The following MICAL2 variants were observed in gnomAD, a reference collection of about 807,000 sequenced individuals.
The protein encoded by MICAL2 is microtubule associated monooxygenase, calponin and LIM domain containing 2, also known as [F-actin]-monooxygenase MICAL2.
In MICAL2, 77 loss-of-function variants were observed where a neutral mutation model predicts 127.3. That is an observed-to-expected ratio of 0.60 (90% CI 0.50 to 0.73). The LOEUF is 0.73. MICAL2 is among the 30% of genes least tolerant of loss of function. The pLI, the probability that MICAL2 is intolerant of heterozygous loss-of-function variation, is 0.00. For synonymous variants in MICAL2, 570 were observed against 551.1 expected, an observed-to-expected ratio of 1.03 and a Z score of -0.48; for missense variants, 1,351 against 1,434.4, an observed-to-expected ratio of 0.94 and a Z score of 0.94.
At chr11:12,285,692 C>G (rs1863818620) in intron 2 of MICAL2, among the ~76,000 whole-genome samples, 2 of 152,160 alleles carry the variant, frequency 1.3e-5, no homozygotes, top group Non-Finnish European at 2.9e-5. Flanking sequence ...GGAAAGCCCC[C>G]AGGTAGTAAT....
At chr11:12,270,258 A>G (rs963012) in intron 24 of MICAL2, among the ~76,000 whole-genome samples, 93,545 of 152,076 alleles carry the variant, frequency 0.62, 29,657 homozygotes, top group African/African-American at 0.7. Flanking sequence ...CCAGATATCT[A>G]CCTGTGTGTG....
downstream of MICAL2, among the ~76,000 whole-genome samples, chr11:12,359,295 A>T (rs1565315521): frequency 6.6e-6 from 1 of 151,616 alleles, no homozygotes; most frequent in Non-Finnish European, 1.5e-5. Flanking sequence ...CAGAAAATGA[A>T]TGATTTTAAA....
intron 1 of MICAL2, among the ~76,000 whole-genome samples, chr11:12,114,143 T>C (rs1457665753): frequency 6.6e-6 from 1 of 152,236 alleles, no homozygotes; most frequent in South Asian, 2.1e-4. Flanking sequence ...TCCACAGTTA[T>C]TGAGATTATG....
intron 3 of MICAL2, among the ~76,000 whole-genome samples, chr11:12,175,342 G>C (rs902178839): frequency 6.6e-6 from 1 of 152,100 alleles, no homozygotes; most frequent in Non-Finnish European, 1.5e-5. Context: ...CAGGCGTGGT[G>C]GTGGGTGCCT....
intron 26 of MICAL2, chr11:12,260,290 A>T: frequency 7.0e-7 from 1 of 1,426,302 alleles, no homozygotes; most frequent in Non-Finnish European, 9.1e-7. Flanking sequence ...AATTAGCTCA[A>T]AGCCAAAGAA....
chr11:12,204,661 T>C (rs985149806), intron 4 of MICAL2, among the ~76,000 whole-genome samples: 1 of 152,202 alleles, frequency 6.6e-6, no homozygotes, highest in African/African-American at 2.4e-5. Flanking sequence ...GTAAGCACCA[T>C]GAGGTCAGGG....
At chr11:12,125,054 T>G (rs758884955) in intron 1 of MICAL2, among the ~76,000 whole-genome samples, 9 of 152,202 alleles carry the variant, frequency 5.9e-5, no homozygotes, top group Non-Finnish European at 1.3e-4. Context: ...GGCTTAGCCT[T>G]TAGCCACTGG....
At chr11:12,213,117 C>T (rs1337697877) in intron 6 of MICAL2, 138 bp from the exon 7 acceptor site, 40 of 982,236 alleles carry the variant, frequency 4.1e-5, no homozygotes, top group Middle Eastern at 3.6e-4. Context: ...TATTTCTGCC[C>T]GCTCCTGTCC....
intron 3 of MICAL2, among the ~76,000 whole-genome samples, chr11:12,191,877 A>T (rs893060184): frequency 1.3e-5 from 2 of 152,228 alleles, no homozygotes; most frequent in African/African-American, 2.4e-5. Context: ...TATCATCTCC[A>T]GGGAGTGGGA....
intron 3 of MICAL2, among the ~76,000 whole-genome samples, chr11:12,187,876 G>A (rs1425839631): frequency 6.6e-6 from 1 of 151,416 alleles, no homozygotes; most frequent in Non-Finnish European, 1.5e-5. Flanking sequence ...GTTCCCTGGG[G>A]TAGGCGGGTT....
intron 3 of MICAL2, chr11:12,196,285 A>T (rs1273699268): frequency 6.5e-6 from 1 of 152,718 alleles, no homozygotes; most frequent in East Asian, 1.9e-4. Context: ...GACCATGTTG[A>T]TGGGGGAGAA....
chr11:12,350,651 G>A (rs141340430), intron 33 of MICAL2, among the ~76,000 whole-genome samples: 2,092 of 152,206 alleles, frequency 0.014, 46 homozygotes, highest in African/African-American at 0.043. Flanking sequence ...TGAGCCAGGT[G>A]AGAAATAAGA....
Position 12,250,607 on chromosome 11 carries a change from A to T in MICAL2, c.2847+1361A>T, listed in dbSNP as rs116506850. Among the ~76,000 whole-genome samples, 323 of 152,376 alleles carry T rather than the reference A, an allele frequency of 2.1e-3. 2 individuals are homozygous for T. Among genetic ancestry groups the T allele is most frequent in the African/African-American group, 7.2e-3 (301 of 41,586 alleles). On this transcript the variant is annotated intron_variant, in intron 22 of 27. Coordinates refer to ENST00000683283, the MANE Select transcript of MICAL2 (RefSeq NM_001282663.2). ...AATGTTCTAATTAATTTGCTGAAAAATAATTAGAATTCAAAAGGCAGGAAA... is the reference window on the plus strand; with the variant it reads ...AATGTTCTAATTAATTTGCTGAAAATTAATTAGAATTCAAAAGGCAGGAAA...
chr11:12,282,409 C>G, intron 2 of MICAL2, among the ~76,000 whole-genome samples: 1 of 152,232 alleles, frequency 6.6e-6, no homozygotes, highest in African/African-American at 2.4e-5. Context: ...ATGAAGTTGG[C>G]CTGCCTTTCA....
intron 26 of MICAL2, 195 bp downstream of exon 26, chr11:12,260,092 G>A: frequency 6.5e-7 from 1 of 1,536,738 alleles, no homozygotes; most frequent in Non-Finnish European, 8.7e-7. Context: ...GGTCCTGGCA[G>A]CCATGTACAG....
chr11:12,341,025 G>C (rs1444278215), intron 32 of MICAL2, among the ~76,000 whole-genome samples: 2 of 152,160 alleles, frequency 1.3e-5, no homozygotes, highest in African/African-American at 4.8e-5. Context: ...TCATCATTCT[G>C]TGTAAGGAGC....
chr11:12,205,926 T>C (rs1854621781), intron 4 of MICAL2, among the ~76,000 whole-genome samples: 2 of 152,024 alleles, frequency 1.3e-5, no homozygotes, highest in Admixed American at 6.6e-5. Flanking sequence ...AGGACAAGAA[T>C]TGATGGGAAA....
intron 3 of MICAL2, among the ~76,000 whole-genome samples, chr11:12,194,979 G>A (rs528462501): frequency 6.6e-5 from 10 of 152,286 alleles, no homozygotes; most frequent in African/African-American, 2.4e-4. Context: ...CCTTAAACCT[G>A]GGCCAGACAC....
rs531209789 is a variant in MICAL2, at chr11:12,126,673, CA to C, written c.-148-11716del. On this transcript the variant is annotated intron_variant, in intron 1 of 27. Transcript: ENST00000683283. ...TCAACTTCTCCTCCTAAAGTATTTA[CA>C]GTGGGCTTGGGAAAGCAAGGCTTAT... Among the ~76,000 whole-genome samples the C allele has an allele frequency of 3.8e-3, 551 of 145,342 alleles. 1 individual carries two copies. The highest frequency in any genetic ancestry group is 0.013 in the African/African-American group (521 of 39,110).
Sources: allele counts gnomAD v4.1 joint callset (sites outside exome capture counted in the v4.1 genomes callset), GRCh38; gene constraint gnomAD v4.1.1; transcripts MANE v1.5; gene names NCBI Gene and HGNC (gene_info 2026-07-23, HGNC 2026-07-21).